Variants in EHBP1 observed in about 807,000 individuals in gnomAD.
EHBP1 encodes EH domain binding protein 1.
In EHBP1, 55 loss-of-function variants were observed where a neutral mutation model predicts 144.0. The observed-to-expected ratio is 0.38, with a 90% confidence interval of 0.31 to 0.48. EHBP1 has a LOEUF of 0.48. EHBP1 is among the 20% of genes least tolerant of loss of function. EHBP1 has a pLI of 0.98. For synonymous variants in EHBP1, 469 were observed against 472.7 expected (o/e 0.99, Z 0.10); for missense variants, 1,200 against 1,364.2 (o/e 0.88, Z 1.90).
intron 5 of EHBP1, among the ~76,000 whole-genome samples, chr2:62,814,392 G>T (rs771594567): frequency 4.6e-5 from 7 of 152,200 alleles, no homozygotes; most frequent in Non-Finnish European, 1.0e-4. Context: ...AGAGCTGTGA[G>T]AAATAAATTT....
rs929926915 is a variant in EHBP1 at position 62,786,580 on chromosome 2, A to G, written c.312+15188A>G. ...CAATAGCTATGTAGAAAATATATCA[A>G]TGTCATCATACAGATTTTTAGTTTT... On this transcript the variant is annotated intron_variant, in intron 5 of 22. Coordinates refer to ENST00000431489, the MANE Select transcript of EHBP1 (RefSeq NM_001142616.3). 2.6e-5 allele frequency among the ~76,000 whole-genome samples: 4 copies of G among 152,230 alleles called. No individual in the cohort carries two copies. The East Asian group carries it at 5.8e-4, about 22-fold the overall frequency.
At chr2:62,827,482 C>T (rs1030905381) in intron 6 of EHBP1, among the ~76,000 whole-genome samples, 2 of 152,160 alleles carry the variant, frequency 1.3e-5, no homozygotes, top group Admixed American at 6.5e-5. Flanking sequence ...CAGCACCATT[C>T]ACGGGAATCT....
At chr2:62,998,538 G>A (rs2059728570) in intron 19 of EHBP1, among the ~76,000 whole-genome samples, 1 of 151,992 alleles carries the variant, frequency 6.6e-6, no homozygotes. Flanking sequence ...GAAGACTTGT[G>A]CCACTAGTGA....
Position 62,705,961 on chromosome 2 carries a change from CGGT to C in EHBP1, c.-384_-382del, listed in dbSNP as rs1009241355. On this transcript the variant is annotated 5_prime_UTR_variant, in exon 1 of 23. Transcript: ENST00000431489. Reference sequence around the variant, plus strand: ...GTGGCTCCGGCGGGGATGGAGGACTCGGTGGCGGCGGCGGCTGCTGCTGCGGCG... The same window carrying C: ...GTGGCTCCGGCGGGGATGGAGGACTCGGCGGCGGCGGCTGCTGCTGCGGCG... The C allele has an allele frequency of 1.2e-5, 2 of 166,708 alleles. No homozygotes were observed. The highest frequency in any genetic ancestry group is 5.0e-5 in the African/African-American group (2 of 40,284). The allele number at this position is 166,708 out of a possible 1,614,324, so 10.3% of individuals were successfully genotyped here. A position where few individuals can be genotyped will look rare whatever the true frequency, so the allele number is the denominator to read the frequency against.
intron 18 of EHBP1, 133 bp from the exon 19 acceptor site, chr2:62,996,510 G>T: frequency 2.8e-6 from 3 of 1,076,684 alleles, no homozygotes; most frequent in Non-Finnish European, 4.0e-6. Context: ...ACAGAGAGTT[G>T]CTTTTTGGTA....
At chr2:62,701,151 T>C (rs1476295321), upstream of EHBP1, among the ~76,000 whole-genome samples, 1 of 152,160 alleles carries the variant, frequency 6.6e-6, no homozygotes, top group Non-Finnish European at 1.5e-5. Flanking sequence ...AGCTTTACTA[T>C]TGTCTGTAAC....
chr2:62,714,657 A>G (rs1028798663), intron 2 of EHBP1, among the ~76,000 whole-genome samples: 1 of 152,212 alleles, frequency 6.6e-6, no homozygotes, highest in Admixed American at 6.5e-5. Context: ...AGAAAATTTT[A>G]CCCATTGTTG....
chr2:62,810,117 A>G (rs1439901823), intron 5 of EHBP1, among the ~76,000 whole-genome samples: 2 of 152,254 alleles, frequency 1.3e-5, no homozygotes, highest in African/African-American at 2.4e-5. Context: ...TTAAAAGACT[A>G]GAGAAAATAT....
chr2:63,045,510 C>T lies in EHBP1; in HGVS notation c.*10C>T. 1 of 1,601,524 alleles carries T rather than the reference C, an allele frequency of 6.2e-7. No individual in the cohort carries two copies. Among genetic ancestry groups the T allele is most frequent in the African/African-American group, 1.3e-5 (1 of 74,830 alleles). ...ATGTGTTCTTCAGTAGCCATCAGAT[C>T]AGAAAGAATCTCTCCCAACATTTTA... On this transcript the variant is annotated 3_prime_UTR_variant, in exon 23 of 23. Transcript: ENST00000431489. The surrounding 1 kb of genome is among the most constrained non-coding windows in gnomAD (Gnocchi z 5.7).
intron 5 of EHBP1, among the ~76,000 whole-genome samples, chr2:62,783,011 C>T (rs192184803): frequency 3.3e-5 from 5 of 152,244 alleles, no homozygotes; most frequent in African/African-American, 7.2e-5. Flanking sequence ...GGGGTGTGGG[C>T]GTTGGGTAAA....
chr2:62,801,304 C>T (rs1297799670), intron 5 of EHBP1, among the ~76,000 whole-genome samples: 1 of 152,176 alleles, frequency 6.6e-6, no homozygotes, highest in Non-Finnish European at 1.5e-5. Context: ...ATACAGTGCT[C>T]CCTTGACATG....
intron 10 of EHBP1, among the ~76,000 whole-genome samples, chr2:62,928,534 GA>G (rs2055717770): frequency 6.6e-6 from 1 of 152,092 alleles, no homozygotes; most frequent in African/African-American, 2.4e-5. Context: ...AATTGTAATG[GA>G]AGATGCAGCT....
chr2:62,951,541 G>GGA (rs2057390728), intron 13 of EHBP1, among the ~76,000 whole-genome samples: 1 of 141,766 alleles, frequency 7.1e-6, no homozygotes, highest in African/African-American at 2.6e-5. Flanking sequence ...TTTTGGGGGG[G>GGA]GGGGGTGGAG....
chr2:62,944,258 AATAT>A (rs906193762), intron 12 of EHBP1, among the ~76,000 whole-genome samples: 1 of 152,164 alleles, frequency 6.6e-6, no homozygotes, highest in African/African-American at 2.4e-5. Context: ...GAGAGGCAAA[AATAT>A]ATAAACCTTG....
At chr2:62,808,076 A>G (rs1478001303) in intron 5 of EHBP1, among the ~76,000 whole-genome samples, 1 of 151,334 alleles carries the variant, frequency 6.6e-6, no homozygotes, top group Non-Finnish European at 1.5e-5. Flanking sequence ...AAGAAAGAAA[A>G]GTACATTATA....
intron 13 of EHBP1, among the ~76,000 whole-genome samples, chr2:62,954,610 A>G (rs1298712799): frequency 6.6e-6 from 1 of 152,172 alleles, no homozygotes; most frequent in East Asian, 1.9e-4. Context: ...AAATATAAAG[A>G]CCACAAAGAA....
intron 3 of EHBP1, among the ~76,000 whole-genome samples, chr2:62,760,581 A>G (rs2040689201): frequency 6.6e-6 from 1 of 152,204 alleles, no homozygotes; most frequent in Non-Finnish European, 1.5e-5. Flanking sequence ...TACCTGAGGA[A>G]ATTATCTGAA....
At chr2:62,702,241 G>T (rs923925729), upstream of EHBP1, among the ~76,000 whole-genome samples, 1 of 152,188 alleles carries the variant, frequency 6.6e-6, no homozygotes, top group African/African-American at 2.4e-5. Context: ...TAAGCTTGAT[G>T]ATATTTAAAG....
chr2:62,701,502 T>C (rs932612436), upstream of EHBP1, among the ~76,000 whole-genome samples: 2 of 152,230 alleles, frequency 1.3e-5, no homozygotes, highest in Admixed American at 1.3e-4. Context: ...CAGGTTAGGC[T>C]TTTGAAACTC....
Sources: gnomAD v4.1 joint callset for allele counts (sites outside exome capture counted in the v4.1 genomes callset) on GRCh38, gnomAD v4.1.1 for gene constraint, Gnocchi (gnomAD v3.1) non-coding constraint, MANE v1.5 for transcripts, NCBI Gene and HGNC (gene_info 2026-07-23, HGNC 2026-07-21) for gene names.